The following GRIK3 variants were observed in gnomAD, a reference collection of about 807,000 sequenced individuals.
GRIK3 encodes the protein glutamate receptor ionotropic, kainate 3.
A neutral mutation model predicts 102.5 loss-of-function variants in GRIK3; 29 were observed. That is an observed-to-expected ratio of 0.28 (90% CI 0.21 to 0.39). The LOEUF (loss-of-function observed/expected upper bound fraction) is 0.39, where lower values mean the gene tolerates loss of function less well. Ranked by LOEUF, GRIK3 falls within the 10% of genes least tolerant of loss-of-function variation. The pLI, the probability that GRIK3 is intolerant of heterozygous loss-of-function variation, is 1.00. For synonymous variants in GRIK3, 511 were observed against 504.9 expected (o/e 1.01, Z -0.16); for missense variants, 908 against 1,252.4 (o/e 0.73, Z 4.15).
intron 1 of GRIK3, among the ~76,000 whole-genome samples, chr1:36,975,207 A>T (rs1192891823): frequency 2.6e-5 from 4 of 152,098 alleles, no homozygotes; most frequent in African/African-American, 9.7e-5. Flanking sequence ...AATATACATA[A>T]ATAGCACATT....
intron 1 of GRIK3, among the ~76,000 whole-genome samples, chr1:36,927,696 T>C (rs1378774587): frequency 6.6e-6 from 1 of 152,094 alleles, no homozygotes; most frequent in Non-Finnish European, 1.5e-5. Context: ...GTCGGCCAAT[T>C]CATTTCTGTT....
At chr1:36,876,769 C>T (rs1456876209) in intron 3 of GRIK3, among the ~76,000 whole-genome samples, 1 of 152,176 alleles carries the variant, frequency 6.6e-6, no homozygotes, top group Non-Finnish European at 1.5e-5. Flanking sequence ...CACTATACAT[C>T]ATCAAAGTTA....
chr1:36,988,126 A>G (rs1182533314), intron 1 of GRIK3, among the ~76,000 whole-genome samples: 1 of 152,184 alleles, frequency 6.6e-6, no homozygotes, highest in African/African-American at 2.4e-5. Flanking sequence ...CCCTGTCTCT[A>G]CCAAAAACAC....
At chr1:37,012,817 G>T (rs1330897657) in intron 1 of GRIK3, among the ~76,000 whole-genome samples, 2 of 152,178 alleles carry the variant, frequency 1.3e-5, no homozygotes, top group Non-Finnish European at 1.5e-5. Flanking sequence ...GCAAACTGGG[G>T]CTCCTCAGTC....
chr1:36,941,167 G>A lies in GRIK3; in HGVS notation c.116-50071C>T, dbSNP rs541393657. Among the ~76,000 whole-genome samples, 8 of 152,234 alleles carry A rather than the reference G, an allele frequency of 5.3e-5. No homozygotes were observed. The South Asian group carries it at 1.2e-3, about 24-fold the overall frequency. ...TGATAGAATGATTTCAGATCAGGAT[G>A]GACTCTCATGACCCAGTCTCTGTGA... On this transcript the variant is annotated intron_variant, in intron 1 of 15. Coordinates refer to ENST00000373091, the MANE Select transcript of GRIK3 (RefSeq NM_000831.4).
intron 1 of GRIK3, among the ~76,000 whole-genome samples, chr1:36,954,082 G>T (rs556149126): frequency 6.6e-6 from 1 of 152,204 alleles, no homozygotes; most frequent in Non-Finnish European, 1.5e-5. Flanking sequence ...AAGGGGTCAA[G>T]GGGGACGAAG....
chr1:36,945,614 A>G lies in GRIK3; in HGVS notation c.116-54518T>C, dbSNP rs147972711. Among the ~76,000 whole-genome samples, 6 of 152,330 alleles carry G rather than the reference A, an allele frequency of 3.9e-5. No individual in the cohort carries two copies. In the East Asian group the frequency reaches 1.2e-3, roughly 29 times the overall value. On this transcript the variant is annotated intron_variant, in intron 1 of 15. Transcript: ENST00000373091. ...GAGTGTCTCTCAATTTAGAGGCACA[A>G]TCTGAGCCTCCTGACTCAGGTAGGA...
chr1:36,994,215 T>C (rs1163141969), intron 1 of GRIK3, among the ~76,000 whole-genome samples: 1 of 152,202 alleles, frequency 6.6e-6, no homozygotes, highest in African/African-American at 2.4e-5. Flanking sequence ...TTACCTCACC[T>C]CTCTGAGCCT....
At chr1:36,955,147 T>C (rs571164074) in intron 1 of GRIK3, among the ~76,000 whole-genome samples, 120 of 152,342 alleles carry the variant, frequency 7.9e-4, no homozygotes, top group Non-Finnish European at 1.5e-3. Context: ...ACTGATTTGC[T>C]GAGGCTCAGA....
Position 36,971,878 on chromosome 1 carries a change from C to T in GRIK3, c.115+62116G>A, listed in dbSNP as rs564620598. ...TTATATAAACGGGCCCACCAATAGT[C>T]ACAGAGGCCTGGAGACACCCTTTTG... On this transcript the variant is annotated intron_variant, in intron 1 of 15. Coordinates refer to ENST00000373091, the MANE Select transcript of GRIK3 (RefSeq NM_000831.4). Among the ~76,000 whole-genome samples the T allele has an allele frequency of 2.0e-5, 3 of 152,318 alleles. No individual in the cohort carries two copies. In the East Asian group the frequency reaches 5.8e-4, roughly 29 times the overall value.
At position 36,850,081 on chromosome 1, in the gene GRIK3, GGGGAGTGAGT is replaced by G; in HGVS notation, c.1326+220_1326+229del. 1.9e-6 allele frequency: 1 copy of G among 529,462 alleles called. No individual in the cohort carries two copies. Among genetic ancestry groups the G allele is most frequent in the Non-Finnish European group, 3.4e-6 (1 of 295,256 alleles). The allele number at this position is 529,462 out of a possible 1,614,324, so 32.8% of individuals were successfully genotyped here. A position where few individuals can be genotyped will look rare whatever the true frequency, so the allele number is the denominator to read the frequency against. On this transcript the variant is annotated intron_variant, in intron 9 of 15. Coordinates refer to ENST00000373091, the MANE Select transcript of GRIK3 (RefSeq NM_000831.4). This position sits in a 1 kb window ranked among gnomAD's most constrained non-coding sequence, Gnocchi z 4.0. ...GTTCCTACTCAGACATCAAGGACTTGGGGAGTGAGTGGGAGTGAGACACAAAAACGCAGCG... is the reference window on the plus strand; with the variant it reads ...GTTCCTACTCAGACATCAAGGACTTGGGGAGTGAGACACAAAAACGCAGCG...
intron 1 of GRIK3, among the ~76,000 whole-genome samples, chr1:36,991,910 C>A (rs561567834): frequency 2.2e-4 from 33 of 152,316 alleles, no homozygotes; most frequent in African/African-American, 7.9e-4. Context: ...TGGCTTGGGG[C>A]AGTGTGCTGG....
At chr1:36,953,352 T>TA (rs1484272513) in intron 1 of GRIK3, among the ~76,000 whole-genome samples, 4 of 152,100 alleles carry the variant, frequency 2.6e-5, no homozygotes, top group Non-Finnish European at 5.9e-5. Flanking sequence ...TCCCTGCAGA[T>TA]ATGCTGTTGA....
At chr1:36,922,007 T>C (rs1453741528) in intron 1 of GRIK3, among the ~76,000 whole-genome samples, 1 of 152,196 alleles carries the variant, frequency 6.6e-6, no homozygotes, top group African/African-American at 2.4e-5. Context: ...TTTGCTTTTA[T>C]GCTGCTCATC....
chr1:37,021,408 C>T (rs778888625), intron 1 of GRIK3, among the ~76,000 whole-genome samples: 7 of 152,100 alleles, frequency 4.6e-5, no homozygotes, highest in Admixed American at 6.5e-5. Flanking sequence ...ACCTTGCTGG[C>T]CTGGCTTCCT....
At chr1:36,983,274 A>G (rs1460532730) in intron 1 of GRIK3, among the ~76,000 whole-genome samples, 6 of 152,130 alleles carry the variant, frequency 3.9e-5, no homozygotes, top group Non-Finnish European at 8.8e-5. Context: ...CACGTATGAA[A>G]GCATTCACAC....
chr1:36,885,481 T>C (rs551337821), intron 2 of GRIK3, among the ~76,000 whole-genome samples: 1 of 152,288 alleles, frequency 6.6e-6, no homozygotes, highest in East Asian at 1.9e-4. Flanking sequence ...TGTACTGGTG[T>C]TGATAGTAGA....
chr1:36,939,350 T>C (rs367712032), intron 1 of GRIK3, among the ~76,000 whole-genome samples: 2 of 152,240 alleles, frequency 1.3e-5, no homozygotes, highest in African/African-American at 4.8e-5. Context: ...GACCCTGGAC[T>C]TGGCTTTGCA....
chr1:36,813,976 G>T (rs1422939209), intron 13 of GRIK3, among the ~76,000 whole-genome samples: 3 of 152,184 alleles, frequency 2.0e-5, no homozygotes, highest in African/African-American at 7.2e-5. Context: ...AGTTAGTTAT[G>T]CAGGGGGTGT....
Sources: allele counts gnomAD v4.1 joint callset (sites outside exome capture counted in the v4.1 genomes callset), GRCh38; gene constraint gnomAD v4.1.1; non-coding constraint Gnocchi (gnomAD v3.1); transcripts MANE v1.5; gene names NCBI Gene and HGNC (gene_info 2026-07-23, HGNC 2026-07-21).